The following BHMT variants were observed in gnomAD, a reference collection of about 807,000 sequenced individuals.
BHMT encodes betaine--homocysteine S-methyltransferase, also known as betaine--homocysteine S-methyltransferase 1.
BHMT carries 38 observed loss-of-function variants against 49.5 expected under a neutral mutation model. That is an observed-to-expected ratio of 0.77 (90% CI 0.59 to 1.01). The LOEUF (loss-of-function observed/expected upper bound fraction) is 1.01, where lower values mean the gene tolerates loss of function less well. Ranked by LOEUF, BHMT falls within the 50% of genes least tolerant of loss-of-function variation. BHMT has a pLI of 0.00. For synonymous variants in BHMT, 166 were observed against 176.3 expected (o/e 0.94, Z 0.46); for missense variants, 426 against 495.7 (o/e 0.86, Z 1.34).
intron 2 of BHMT, among the ~76,000 whole-genome samples, chr5:79,118,631 A>G (rs1403572319): frequency 6.6e-6 from 1 of 152,206 alleles, no homozygotes; most frequent in African/African-American, 2.4e-5. Context: ...TAAAAACTAT[A>G]TATTTCCCTG....
intron 4 of BHMT, among the ~76,000 whole-genome samples, chr5:79,120,838 C>T (rs1756456363): frequency 6.6e-6 from 1 of 152,096 alleles, no homozygotes; most frequent in Non-Finnish European, 1.5e-5. Flanking sequence ...AGTTTTTAAG[C>T]AATAGAATAC....
chr5:79,123,269 G>A (rs534919032), intron 5 of BHMT, among the ~76,000 whole-genome samples: 4 of 152,266 alleles, frequency 2.6e-5, no homozygotes, highest in Non-Finnish European at 1.5e-5. Context: ...ATGAAGGGGA[G>A]TGAGGCCTAC....
At chr5:79,128,998 A>G (rs998870626) in intron 7 of BHMT, among the ~76,000 whole-genome samples, 1 of 152,210 alleles carries the variant, frequency 6.6e-6, no homozygotes, top group Non-Finnish European at 1.5e-5. Flanking sequence ...ACAGAAAGAT[A>G]TTTTAAAAGA....
intron 5 of BHMT, among the ~76,000 whole-genome samples, chr5:79,124,320 G>C (rs1299395489): frequency 1.3e-5 from 2 of 152,144 alleles, no homozygotes; most frequent in Non-Finnish European, 2.9e-5. Context: ...AGGCAAAGGT[G>C]TGAGGATCGC....
chr5:79,112,439 C>T (rs1756317268), intron 1 of BHMT, among the ~76,000 whole-genome samples: 1 of 152,226 alleles, frequency 6.6e-6, no homozygotes, highest in Non-Finnish European at 1.5e-5. Flanking sequence ...GCGCCCAGAA[C>T]AGGGAGGAGT....
chr5:79,114,761 C>T (rs1756360428), intron 1 of BHMT, among the ~76,000 whole-genome samples: 1 of 152,070 alleles, frequency 6.6e-6, no homozygotes, highest in Non-Finnish European at 1.5e-5. Flanking sequence ...TACTCAGGGA[C>T]TCTGGGTCTT....
Position 79,120,400 on chromosome 5 carries a change from T to A in BHMT, c.336T>A (p.Asp112Glu). 1.2e-6 allele frequency: 2 copies of A among 1,613,936 alleles called. No individual in the cohort carries two copies. The highest frequency in any genetic ancestry group is 2.2e-5 in the South Asian group (2 of 91,018). The part of the protein sequence containing the change: ...AACDIARQVA[D>E]EGDALVAGGV... ...GCGACATCGCCCGACAAGTGGCTGA[T>A]GAAGGAGATGCTTTGGTAGCAGGAG... The change falls in exon 4 of 8, where the codon GAT becomes GAA. Residue 112 changes from aspartate to glutamate, a missense_variant. Around this residue, in one of 3 missense-constraint regions of BHMT, gnomAD observed 321 missense variants for 355.9 expected, o/e 0.90. Transcript: ENST00000274353.
chr5:79,128,930 C>A (rs1301058472), intron 7 of BHMT, among the ~76,000 whole-genome samples: 1 of 152,168 alleles, frequency 6.6e-6, no homozygotes, highest in South Asian at 2.1e-4. Flanking sequence ...GTGGTAGCTG[C>A]TTTAGTAGAT....
rs781510366 is a variant in BHMT at position 79,130,954 on chromosome 5, G to A, written c.1059G>A (p.Glu353=). The change falls in exon 8 of 8, where the codon GAG becomes GAA. Residue 353 remains glutamate (E), a synonymous_variant. Coordinates refer to ENST00000274353, the MANE Select transcript of BHMT (RefSeq NM_001713.3). ...ACAGGGCCAGGAAGGAATACTGGGA[G>A]AATCTTCGGATAGCCTCAGGCCGGC... ...VRARARKEYW[E]NLRIASGRPY... is the part of the protein sequence containing the mutation. The A allele has an allele frequency of 1.2e-5, 20 of 1,612,772 alleles. No homozygotes were observed. Among genetic ancestry groups the A allele is most frequent in the Middle Eastern group, 1.6e-4 (1 of 6,070 alleles).
intron 2 of BHMT, among the ~76,000 whole-genome samples, chr5:79,116,569 T>C (rs1756388354): frequency 6.6e-6 from 1 of 152,238 alleles, no homozygotes; most frequent in Non-Finnish European, 1.5e-5. Context: ...GGTCATATTT[T>C]GCCCCCAAAT....
In BHMT at chr5:79,121,340, G is replaced by A; in HGVS notation, c.600G>A (p.Glu200=). ...ATTTGCATGGCGTGCCCCCCGGCGA[G>A]TGTGCAGTGCGCCTGGTGAAAGCAG... ...EGDLHGVPPG[E]CAVRLVKAGA... The change falls in exon 5 of 8, where the codon GAG becomes GAA. Residue 200 remains glutamate, a synonymous_variant. Transcript: ENST00000274353. 2 of 1,614,204 alleles carry A rather than the reference G, an allele frequency of 1.2e-6. No individual in the cohort carries two copies. The highest frequency in any genetic ancestry group is 1.7e-6 in the Non-Finnish European group (2 of 1,180,010).
intron 1 of BHMT, among the ~76,000 whole-genome samples, chr5:79,115,195 C>A (rs1756367573): frequency 6.6e-6 from 1 of 151,832 alleles, no homozygotes; most frequent in Admixed American, 6.6e-5. Context: ...TTGCTGGGCA[C>A]TGTGGCACGA....
Position 79,119,322 on chromosome 5 carries a change from A to G in BHMT, c.230A>G (p.Tyr77Cys). The G allele has an allele frequency of 6.2e-7, 1 of 1,614,174 alleles. No individual in the cohort carries two copies. Among genetic ancestry groups the G allele is most frequent in the Non-Finnish European group, 8.5e-7 (1 of 1,180,036 alleles). ...GSNVMQTFTF[Y>C]ASEDKLENRG... ...AACGTCATGCAGACCTTCACCTTCTATGCGAGTGAAGACAAGCTGGAGAAC... is the reference window on the plus strand; with the variant it reads ...AACGTCATGCAGACCTTCACCTTCTGTGCGAGTGAAGACAAGCTGGAGAAC... The change falls in exon 3 of 8, where the codon TAT (tyrosine) becomes TGT (cysteine). Residue 77 changes from tyrosine (Y) to cysteine (C), a missense_variant. Transcript: ENST00000274353.
chr5:79,122,726 A>AGTATATGT (rs1756490276), intron 5 of BHMT, among the ~76,000 whole-genome samples: 1 of 151,408 alleles, frequency 6.6e-6, no homozygotes, highest in African/African-American at 2.4e-5. Flanking sequence ...AAAATATATA[A>AGTATATGT]GTATATGTAT....
rs913200142 is a variant in BHMT, at chr5:79,132,201, A to G, written c.*1085A>G. On this transcript the variant is annotated 3_prime_UTR_variant, in exon 8 of 8. Coordinates refer to ENST00000274353, the MANE Select transcript of BHMT (RefSeq NM_001713.3). The stretch of plus-strand genomic sequence containing the variant: ...CCCTCAGTGTATTAGAAAAGAGGTC[A>G]TGCAGCTTTCTAAACATTATTGAAT... 6.6e-6 allele frequency: 1 copy of G among 152,250 alleles called. No homozygotes were observed. 9.4% of individuals were successfully genotyped at this position (152,250 alleles called of 1,614,324 possible). A position where few individuals can be genotyped will look rare whatever the true frequency, so the allele number is the denominator to read the frequency against.
chr5:79,126,390 G>A (rs921401648), intron 6 of BHMT, 162 bp downstream of exon 6: 32 of 731,918 alleles, frequency 4.4e-5, no homozygotes, highest in African/African-American at 5.4e-5. Context: ...AAGCCCCTTC[G>A]TATTAGAGAA....
In BHMT at chr5:79,126,138, C is replaced by T. The variant is rs1194143252; in HGVS notation, c.718C>T (p.Leu240=). The T allele has an allele frequency of 6.2e-7, 1 of 1,613,670 alleles. No homozygotes were observed. Among genetic ancestry groups the T allele is most frequent in the Non-Finnish European group, 8.5e-7 (1 of 1,179,586 alleles). Residue 240 remains leucine (L), a synonymous_variant, in exon 6 of 8, where the codon CTG becomes TTG. Coordinates refer to ENST00000274353, the MANE Select transcript of BHMT (RefSeq NM_001713.3). Reference sequence around the variant, plus strand: ...GAAGGAGGGCTTGGAGGCTGCCCGACTGAAAGCTCACCTGATGAGCCAGCC... The same window carrying T: ...GAAGGAGGGCTTGGAGGCTGCCCGATTGAAAGCTCACCTGATGAGCCAGCC... ...LMKEGLEAAR[L]KAHLMSQPLA...
intron 2 of BHMT, among the ~76,000 whole-genome samples, chr5:79,117,218 A>G (rs78554392): frequency 1.3e-5 from 2 of 152,368 alleles, no homozygotes; most frequent in East Asian, 3.9e-4. Context: ...GTATTTATAC[A>G]TAACAATTTG....
chr5:79,130,901 G>T, intron 7 of BHMT, 32 bp from the exon 8 acceptor site: 2 of 1,538,874 alleles, frequency 1.3e-6, no homozygotes, highest in East Asian at 4.6e-5. Flanking sequence ...GGAGGAGTCT[G>T]TTGTCTGGTG....
Sources: allele counts gnomAD v4.1 joint callset (sites outside exome capture counted in the v4.1 genomes callset), GRCh38; gene constraint gnomAD v4.1.1; regional missense constraint gnomAD v4.1.1; transcripts MANE v1.5; gene names NCBI Gene and HGNC (gene_info 2026-07-23, HGNC 2026-07-21).